The following DGAT2L6 variants were observed in gnomAD, a reference collection of about 807,000 sequenced individuals.
DGAT2L6 encodes diacylglycerol O-acyltransferase 2-like protein 6.
In DGAT2L6, 22 loss-of-function variants were observed where a neutral mutation model predicts 25.5. The observed-to-expected ratio is 0.86, with a 90% CI of 0.62 to 1.23. The LOEUF (loss-of-function observed/expected upper bound fraction) is 1.23, where lower values mean the gene tolerates loss of function less well. DGAT2L6 is among the 50% of genes most tolerant of loss of function. The pLI is 0.00. For synonymous variants in DGAT2L6, 100 were observed against 94.7 expected (o/e 1.06, Z -0.32); for missense variants, 287 against 253.2 (o/e 1.13, Z -0.91).
chrX:70,183,820 T>G (rs1240415728), intron 1 of DGAT2L6, among the ~76,000 whole-genome samples: 2 of 107,686 alleles, frequency 1.9e-5, no homozygotes, highest in Non-Finnish European at 3.8e-5. Flanking sequence ...CGCTCGAGCC[T>G]GGGAGTTTGA....
chrX:70,177,778 G>GGA, intron 1 of DGAT2L6, 111 bp downstream of exon 1: 1 of 661,649 alleles, frequency 1.5e-6, no homozygotes, highest in Admixed American at 2.8e-5. Flanking sequence ...CCACCCTCTG[G>GGA]GAAGGATCTG....
intron 1 of DGAT2L6, among the ~76,000 whole-genome samples, chrX:70,187,222 A>G (rs1307691182): frequency 9.0e-6 from 1 of 111,054 alleles, no homozygotes; most frequent in Non-Finnish European, 1.9e-5. Flanking sequence ...GAAAGAAGTC[A>G]AAGATGGCCT....
At chrX:70,201,839 C>T in intron 4 of DGAT2L6, 51 bp from the exon 5 acceptor site, 2 of 1,107,874 alleles carry the variant, frequency 1.8e-6, no homozygotes, top group Non-Finnish European at 2.4e-6. Context: ...AACCCCTTAC[C>T]CCATCCTCAG....
chrX:70,186,879 A>G (rs1342063522), intron 1 of DGAT2L6, among the ~76,000 whole-genome samples: 2 of 112,364 alleles, frequency 1.8e-5, no homozygotes, highest in East Asian at 2.8e-4. Flanking sequence ...AGATGAGGCT[A>G]GGAAGACACG....
Position 70,177,854 on chromosome X carries a change from C to A in DGAT2L6, c.85+187C>A, listed in dbSNP as rs774579397. Among the ~76,000 whole-genome samples, 4 of 110,452 alleles carry A rather than the reference C, an allele frequency of 3.6e-5. No homozygotes were observed. The South Asian group carries it at 1.6e-3, about 43-fold the overall frequency. ...TTTAAAGATTACTCCAGGCCAGGCA[C>A]GGTGGCTCAGGCCTATAATCCCAGC... On this transcript the variant is annotated intron_variant, in intron 1 of 6. Coordinates refer to ENST00000333026, the MANE Select transcript of DGAT2L6 (RefSeq NM_198512.3).
At chrX:70,194,606 A>G (rs781247415) in intron 1 of DGAT2L6, among the ~76,000 whole-genome samples, 20 of 111,905 alleles carry the variant, frequency 1.8e-4, no homozygotes, top group Non-Finnish European at 3.0e-4. Flanking sequence ...ATAGTCAACT[A>G]ATCTTTGAAA....
intron 1 of DGAT2L6, among the ~76,000 whole-genome samples, chrX:70,182,031 C>A (rs1178383821): frequency 9.0e-6 from 1 of 111,686 alleles, no homozygotes; most frequent in Non-Finnish European, 1.9e-5. Flanking sequence ...TTCCTTCCTC[C>A]TTTTCTTTCT....
intron 1 of DGAT2L6, among the ~76,000 whole-genome samples, chrX:70,180,885 C>T (rs367770602): frequency 1.8e-5 from 2 of 112,167 alleles, no homozygotes; most frequent in Non-Finnish European, 3.8e-5. Context: ...GAATTTATTT[C>T]CTTTGAAAGG....
At chrX:70,202,116 T>C in intron 5 of DGAT2L6, 52 bp downstream of exon 5, 1 of 1,058,531 alleles carries the variant, frequency 9.4e-7, no homozygotes, top group Non-Finnish European at 1.2e-6. Flanking sequence ...AGGCCCTCTG[T>C]AGCCCTCTCC....
At position 70,177,514 on chromosome X, in the gene DGAT2L6, A is replaced by T; in HGVS notation, c.-69A>T. On this transcript the variant is annotated 5_prime_UTR_variant, in exon 1 of 7. Coordinates refer to ENST00000333026, the MANE Select transcript of DGAT2L6 (RefSeq NM_198512.3). Reference sequence around the variant, plus strand: ...AAGAGATTATAGCAAAGCATCTATAATCAACTCAGCTTAAGAAGTTTTGAC... The same window carrying T: ...AAGAGATTATAGCAAAGCATCTATATTCAACTCAGCTTAAGAAGTTTTGAC... 1 of 992,516 alleles carries T rather than the reference A, an allele frequency of 1.0e-6. No individual in the cohort carries two copies. Among genetic ancestry groups the T allele is most frequent in the Non-Finnish European group, 1.4e-6 (1 of 705,520 alleles). 81.8% of individuals were successfully genotyped at this position (992,516 alleles called of 1,213,427 possible).
At chrX:70,200,221 T>C (rs773913209) in intron 3 of DGAT2L6, 34 bp from the exon 4 acceptor site, 3 of 1,184,552 alleles carry the variant, frequency 2.5e-6, no homozygotes, top group South Asian at 1.8e-5. Flanking sequence ...TCCTTCTTTG[T>C]AGCCAATGCT....
At chrX:70,189,363 T>A (rs1245721590) in intron 1 of DGAT2L6, among the ~76,000 whole-genome samples, 1 of 111,429 alleles carries the variant, frequency 9.0e-6, no homozygotes, top group Non-Finnish European at 1.9e-5. Context: ...AATAGAAATT[T>A]TAAAAAAAAT....
At chrX:70,189,440 G>A (rs1159478093) in intron 1 of DGAT2L6, among the ~76,000 whole-genome samples, 1 of 111,600 alleles carries the variant, frequency 9.0e-6, no homozygotes, top group African/African-American at 3.3e-5. Context: ...AGGATTCATA[G>A]GCTAAAAACT....
At chrX:70,195,797 G>A (rs1461126705) in intron 1 of DGAT2L6, among the ~76,000 whole-genome samples, 1 of 111,546 alleles carries the variant, frequency 9.0e-6, no homozygotes, top group African/African-American at 3.3e-5. Context: ...TGGCTGCCAG[G>A]AGCTGGGGCA....
chrX:70,177,882 T>G (rs2085331854), intron 1 of DGAT2L6, among the ~76,000 whole-genome samples: 1 of 110,140 alleles, frequency 9.1e-6, no homozygotes, highest in Non-Finnish European at 1.9e-5. Flanking sequence ...ATCCCAGCAC[T>G]TTGGGAGGCC....
chrX:70,195,412 G>C (rs2085387904), intron 1 of DGAT2L6, among the ~76,000 whole-genome samples: 1 of 109,718 alleles, frequency 9.1e-6, no homozygotes, highest in Non-Finnish European at 1.9e-5. Context: ...TAATAGCCAA[G>C]ACGTGGGATC....
chrX:70,199,245 G>A, intron 1 of DGAT2L6, 26 bp from the exon 2 acceptor site: 1 of 1,064,579 alleles, frequency 9.4e-7, no homozygotes, highest in Non-Finnish European at 1.3e-6. Context: ...GGAACTGAAA[G>A]GCTTGAACCC....
At chrX:70,186,690 C>G (rs765702634) in intron 1 of DGAT2L6, among the ~76,000 whole-genome samples, 28 of 112,027 alleles carry the variant, frequency 2.5e-4, no homozygotes, top group Non-Finnish European at 5.3e-4. Context: ...TGTATTTTAA[C>G]AGGAAATTTT....
intron 1 of DGAT2L6, among the ~76,000 whole-genome samples, chrX:70,184,807 C>T (rs1192896549): frequency 9.1e-6 from 1 of 110,430 alleles, no homozygotes; most frequent in African/African-American, 3.3e-5. Flanking sequence ...TACCCCATCA[C>T]GGCATCTTTC....
Sources: gnomAD v4.1 joint callset for allele counts (sites outside exome capture counted in the v4.1 genomes callset) on GRCh38, gnomAD v4.1.1 for gene constraint, MANE v1.5 for transcripts, NCBI Gene and HGNC (gene_info 2026-07-23, HGNC 2026-07-21) for gene names.